Variants in TNS2 observed in about 807,000 individuals in gnomAD.
TNS2 encodes the protein tensin 2.
TNS2 carries 77 observed loss-of-function variants against 155.7 expected under a neutral mutation model. That is an observed-to-expected ratio of 0.49 (90% CI 0.41 to 0.60). TNS2 has a LOEUF of 0.60. TNS2 is among the 20% of genes least tolerant of loss of function. The probability of loss-of-function intolerance (pLI) is 0.00; values close to 1 mark genes in which losing one functional copy is unlikely to be tolerated. For missense variants in TNS2, 1,703 were observed against 1,868.8 expected (o/e 0.91, Z 1.64); for synonymous variants, 726 against 763.9 (o/e 0.95, Z 0.82).
At chr12:53,053,902 A>G in intron 5 of TNS2, 63 bp from the exon 6 acceptor site, 1 of 1,614,094 alleles carries the variant, frequency 6.2e-7, no homozygotes, top group Non-Finnish European at 8.5e-7. Context: ...ATGGCTCTGG[A>G]GTGGGCAGTC....
Position 53,063,951 on chromosome 12 carries a change from C to A in TNS2, c.*69C>A. The A allele has an allele frequency of 6.4e-7, 1 of 1,569,174 alleles. No homozygotes were observed. Among genetic ancestry groups the A allele is most frequent in the Non-Finnish European group, 8.7e-7 (1 of 1,151,622 alleles). On this transcript the variant is annotated 3_prime_UTR_variant, in exon 29 of 29. Transcript: ENST00000314250. The surrounding 1 kb of genome is among the most constrained non-coding windows in gnomAD (Gnocchi z 5.6). ...CCCAGCACCCCACAGCCCTCACATCCCCTGGCCTGGACCCAGGAGACCCAG... is the reference window on the plus strand; with the variant it reads ...CCCAGCACCCCACAGCCCTCACATCACCTGGCCTGGACCCAGGAGACCCAG...
upstream of TNS2, chr12:53,049,388 C>T (rs904373331): frequency 1.6e-5 from 11 of 703,510 alleles, no homozygotes; most frequent in African/African-American, 1.3e-4. Context: ...GAGTGGGGGG[C>T]ACTGTGTCAG....
rs1413631176 is a variant in TNS2 at position 53,063,543 on chromosome 12, A to G, written c.4062-20A>G. The G allele has an allele frequency of 6.2e-7, 1 of 1,600,450 alleles. No individual in the cohort carries two copies. The highest frequency in any genetic ancestry group is 1.7e-5 in the Admixed American group (1 of 57,918). On this transcript the variant is annotated intron_variant, in intron 27 of 28. Transcript: ENST00000314250. This position sits in a 1 kb window ranked among gnomAD's most constrained non-coding sequence, Gnocchi z 5.6. ...GCTGTCCCCTGGGGTGTGCATCTTCACCTTCTTCTCCTTCTGCAGATGGAC... is the reference window on the plus strand; with the variant it reads ...GCTGTCCCCTGGGGTGTGCATCTTCGCCTTCTTCTCCTTCTGCAGATGGAC...
upstream of TNS2, chr12:53,049,987 T>C: frequency 1.6e-6 from 2 of 1,285,952 alleles, no homozygotes; most frequent in Admixed American, 2.9e-5. Context: ...CCCCCTCCAC[T>C]TCCTGGAGCA....
At chr12:53,049,292 C>G (rs377099532), upstream of TNS2, 237 of 1,544,950 alleles carry the variant, frequency 1.5e-4, 1 homozygote, top group Non-Finnish European at 1.9e-4. Context: ...AGGGTGCAGC[C>G]CTTGGGTAGA....
In TNS2 at chr12:53,059,224, C is replaced by T. The variant is rs1316974617; in HGVS notation, c.1583C>T (p.Pro528Leu). 1.9e-6 allele frequency: 3 copies of T among 1,555,206 alleles called. No homozygotes were observed. Among genetic ancestry groups the T allele is most frequent in the Non-Finnish European group, 2.6e-6 (3 of 1,159,286 alleles). The change falls in exon 18 of 29, where the codon CCT becomes CTT. Residue 528 changes from proline to leucine, a missense_variant. Transcript: ENST00000314250. The surrounding 1 kb of genome is among the most constrained non-coding windows in gnomAD (Gnocchi z 4.7). ...ACCACAGAGCCGGCTGCTGAGTCCC[C>T]TGGCCGGCCGCCCCCTACAGCTGCT... The part of the protein sequence containing the change: ...TLTTEPAAES[P>L]GRPPPTAAER...
intron 6 of TNS2, 40 bp downstream of exon 6, chr12:53,054,054 T>C: frequency 6.2e-7 from 1 of 1,613,230 alleles, no homozygotes; most frequent in Non-Finnish European, 8.5e-7. Context: ...TGACCCCCTT[T>C]CCGCCGGCCC....
rs750388653 is a variant in TNS2 at position 53,052,480 on chromosome 12, A to G, written c.210A>G (p.Lys70=). Residue 70 remains lysine, a synonymous_variant, in exon 3 of 29, where the codon AAA becomes AAG. Coordinates refer to ENST00000314250, the MANE Select transcript of TNS2 (RefSeq NM_170754.4). ...TCTGCAAGGTGGCGACGCACAGAAAATGTGAAGCAAAGGTGGGTATCTGAT... is the reference window on the plus strand; with the variant it reads ...TCTGCAAGGTGGCGACGCACAGAAAGTGTGAAGCAAAGGTGGGTATCTGAT... The part of the protein sequence containing the change: ...CRVCKVATHR[K]CEAKVTSACQ... 5 of 1,613,918 alleles carry G rather than the reference A, an allele frequency of 3.1e-6. No homozygotes were observed. The South Asian group carries it at 5.5e-5, about 18-fold the overall frequency.
chr12:53,059,792 G>A lies in TNS2; in HGVS notation c.2151G>A (p.Trp717Ter). The change falls in exon 18 of 29, where the codon TGG becomes TGA. Residue 717 changes from tryptophan to a stop codon, truncating the protein, a stop_gained. Transcript: ENST00000314250. LOFTEE classifies it high-confidence loss of function. This position sits in a 1 kb window ranked among gnomAD's most constrained non-coding sequence, Gnocchi z 4.7. ...TGGAGAGGGAGGCTGGAGAAGGGTGGGCAAGTGAGGCTGGCAAGCCTCTCC... is the reference window on the plus strand; with the variant it reads ...TGGAGAGGGAGGCTGGAGAAGGGTGAGCAAGTGAGGCTGGCAAGCCTCTCC... ...LRLEREAGEG[W>*]ASEAGKPLLH... The A allele has an allele frequency of 6.2e-7, 1 of 1,612,470 alleles. No homozygotes were observed. Among genetic ancestry groups the A allele is most frequent in the Non-Finnish European group, 8.5e-7 (1 of 1,179,672 alleles).
chr12:53,050,082 C>T lies in TNS2; in HGVS notation c.-104C>T. ...CACCAGCCAGACAGCCTACCCTCCG[C>T]CCAGGGGAAGCGGCTGCCTCCGCCA... On this transcript the variant is annotated 5_prime_UTR_variant, in exon 1 of 29. Transcript: ENST00000314250. The surrounding 1 kb of genome is among the most constrained non-coding windows in gnomAD (Gnocchi z 4.7). The T allele has an allele frequency of 6.5e-7, 1 of 1,542,458 alleles. No individual in the cohort carries two copies. The highest frequency in any genetic ancestry group is 8.7e-7 in the Non-Finnish European group (1 of 1,147,398).
In TNS2 at chr12:53,064,035, C is replaced by T; in HGVS notation, c.*153C>T. ...GCATCAGGCCTGGGACACTGCTCTC[C>T]TTCCCCGCCCCCAGCCTGCTAAGTT... On this transcript the variant is annotated 3_prime_UTR_variant, in exon 29 of 29. Coordinates refer to ENST00000314250, the MANE Select transcript of TNS2 (RefSeq NM_170754.4). The T allele has an allele frequency of 6.2e-6, 5 of 804,108 alleles. No individual in the cohort carries two copies. Among genetic ancestry groups the T allele is most frequent in the Non-Finnish European group, 9.6e-6 (5 of 521,902 alleles). 49.8% of individuals were successfully genotyped at this position (804,108 alleles called of 1,614,324 possible).
At chr12:53,062,110 C>T (rs369626188) in intron 22 of TNS2, 43 bp from the exon 23 acceptor site, 1 of 1,612,760 alleles carries the variant, frequency 6.2e-7, no homozygotes, top group African/African-American at 1.3e-5. Context: ...GAAGCTGGAA[C>T]CTGGAATCCT....
Position 53,059,813 on chromosome 12 carries a change from T to G in TNS2, c.2172T>G (p.Pro724=). 2 of 1,612,754 alleles carry G rather than the reference T, an allele frequency of 1.2e-6. No individual in the cohort carries two copies. Among genetic ancestry groups the G allele is most frequent in the Non-Finnish European group, 1.7e-6 (2 of 1,179,826 alleles). The part of the protein sequence containing the change: ...GEGWASEAGK[P]LLHPVRPGHP... ...GGTGGGCAAGTGAGGCTGGCAAGCC[T>G]CTCCTGCACCCAGTGCGGCCTGGGC... Residue 724 remains proline, a synonymous_variant, in exon 18 of 29, where the codon CCT becomes CCG. Coordinates refer to ENST00000314250, the MANE Select transcript of TNS2 (RefSeq NM_170754.4). This position sits in a 1 kb window ranked among gnomAD's most constrained non-coding sequence, Gnocchi z 4.7.
In TNS2 at chr12:53,050,221, A is replaced by G; in HGVS notation, c.36A>G (p.Arg12=). ...GCGGCCCTGTGGAGAGGCTGCTCAG[A>G]GCCCTGGGGAGGAGGGACAGCAGCC... is the stretch of plus-strand genomic sequence containing the variant. ...KSSGPVERLL[R]ALGRRDSSRA... The change falls in exon 1 of 29, where the codon AGA becomes AGG. Residue 12 remains arginine (R), a synonymous_variant. Coordinates refer to ENST00000314250, the MANE Select transcript of TNS2 (RefSeq NM_170754.4). The surrounding 1 kb of genome is among the most constrained non-coding windows in gnomAD (Gnocchi z 4.7). The G allele has an allele frequency of 6.2e-7, 1 of 1,610,688 alleles. No homozygotes were observed. The highest frequency in any genetic ancestry group is 1.3e-5 in the African/African-American group (1 of 74,998).
chr12:53,063,145 G>C lies in TNS2; in HGVS notation c.3880G>C (p.Ala1294Pro), dbSNP rs746351308. The change falls in exon 26 of 29, where the codon GCT (alanine) becomes CCT (proline). Residue 1294 changes from alanine (A) to proline (P), a missense_variant. Transcript: ENST00000314250. The surrounding 1 kb of genome is among the most constrained non-coding windows in gnomAD (Gnocchi z 5.6). ...VETESLTGPQ[A>P]VARASSAALS... ...GACAGAGTCACTGACGGGCCCCCAAGCTGTGGCCCGGGCCAGCTCTGCAGC... is the reference window on the plus strand; with the variant it reads ...GACAGAGTCACTGACGGGCCCCCAACCTGTGGCCCGGGCCAGCTCTGCAGC... The C allele has an allele frequency of 6.2e-7, 1 of 1,605,632 alleles. No individual in the cohort carries two copies. The highest frequency in any genetic ancestry group is 8.5e-7 in the Non-Finnish European group (1 of 1,176,600).
In TNS2 at chr12:53,057,672, T is replaced by C. The variant is rs779875030; in HGVS notation, c.951T>C (p.Pro317=). ...TCCCCATGCTGCCAGCCTTTGAACC[T>C]GGCACAGGTGAGTCTGCCTGAGATG... ...VLIPMLPAFE[P]GTGFQPFLKI... The change falls in exon 12 of 29, where the codon CCT becomes CCC. Residue 317 remains proline (P), a synonymous_variant. Transcript: ENST00000314250. 5.0e-6 allele frequency: 8 copies of C among 1,614,042 alleles called. No homozygotes were observed. The South Asian group carries it at 8.8e-5, about 18-fold the overall frequency.
upstream of TNS2, among the ~76,000 whole-genome samples, chr12:53,047,590 G>T: frequency 6.6e-6 from 1 of 151,376 alleles, no homozygotes; most frequent in East Asian, 1.9e-4. Flanking sequence ...GGGCGCGGCC[G>T]CGGCCCTACT....
chr12:53,056,824 GA>G lies in TNS2; in HGVS notation c.762-187del, dbSNP rs1020961999. 7.4e-6 allele frequency: 4 copies of G among 537,866 alleles called. No individual in the cohort carries two copies. In the African/African-American group the frequency reaches 7.6e-5, roughly 10 times the overall value. 33.3% of individuals were successfully genotyped at this position (537,866 alleles called of 1,614,324 possible). On this transcript the variant is annotated intron_variant, in intron 10 of 28. Transcript: ENST00000314250. The stretch of plus-strand genomic sequence containing the variant: ...ACAGATGAAAAAACTAAAGTTCAGG[GA>G]ACAATTGCCTGAGGCCCAACAACTA...
At position 53,057,057 on chromosome 12, in the gene TNS2, A is replaced by C; in HGVS notation, c.806A>C (p.Glu269Ala). The change falls in exon 11 of 29, where the codon GAG becomes GCG. Residue 269 changes from glutamate (E) to alanine (A), a missense_variant. Transcript: ENST00000314250. ...ACTCTTACCATGCGGAAATTCTGCG[A>C]GGACAAGGTGGCCACAGAACTGCAG... Reference protein sequence around the residue: ...LATLTMRKFCEDKVATELQPS... With the variant: ...LATLTMRKFCADKVATELQPS... 1 of 1,613,794 alleles carries C rather than the reference A, an allele frequency of 6.2e-7. No individual in the cohort carries two copies. Among genetic ancestry groups the C allele is most frequent in the South Asian group, 1.1e-5 (1 of 90,954 alleles).
Sources: allele counts gnomAD v4.1 joint callset (sites outside exome capture counted in the v4.1 genomes callset), GRCh38; gene constraint gnomAD v4.1.1; non-coding constraint Gnocchi (gnomAD v3.1); transcripts MANE v1.5; gene names NCBI Gene and HGNC (gene_info 2026-07-23, HGNC 2026-07-21).